Variants in ME1 observed in about 807,000 individuals in gnomAD.
The protein encoded by ME1 is NADP-dependent malic enzyme.
A neutral mutation model predicts 66.4 loss-of-function variants in ME1; 74 were observed. That is an observed-to-expected ratio of 1.11 (90% CI 0.92 to 1.35). ME1 has a LOEUF of 1.35. ME1 is among the 40% of genes most tolerant of loss of function. The probability of loss-of-function intolerance (pLI) is 0.00; values close to 1 mark genes in which losing one functional copy is unlikely to be tolerated. For missense variants in ME1, 750 were observed against 694.1 expected, an observed-to-expected ratio of 1.08 and a Z score of -0.90; for synonymous variants, 251 against 235.6, an observed-to-expected ratio of 1.07 and a Z score of -0.60.
intron 3 of ME1, among the ~76,000 whole-genome samples, chr6:83,378,929 G>GT (rs1199440001): frequency 3.9e-5 from 6 of 151,936 alleles, no homozygotes; most frequent in Admixed American, 3.3e-4. Context: ...TTTCTAGCAT[G>GT]TACCTCATTT....
chr6:83,306,841 A>T (rs1767833053), intron 6 of ME1, among the ~76,000 whole-genome samples: 3 of 152,132 alleles, frequency 2.0e-5, no homozygotes, highest in Non-Finnish European at 2.9e-5. Flanking sequence ...TAGTAAGGAA[A>T]ATAGGGTTAA....
chr6:83,354,056 G>C (rs1768844077), intron 3 of ME1, among the ~76,000 whole-genome samples: 1 of 152,010 alleles, frequency 6.6e-6, no homozygotes, highest in South Asian at 2.1e-4. Flanking sequence ...TCTTCTTAAT[G>C]TTGAACTGTT....
chr6:83,344,152 G>A (rs1362756370), intron 5 of ME1, among the ~76,000 whole-genome samples: 1 of 151,558 alleles, frequency 6.6e-6, no homozygotes, highest in East Asian at 1.9e-4. Flanking sequence ...TTGGTGTGGT[G>A]GTGCACACCT....
At chr6:83,246,733 C>T (rs987730173) in intron 7 of ME1, among the ~76,000 whole-genome samples, 1 of 151,944 alleles carries the variant, frequency 6.6e-6, no homozygotes, top group African/African-American at 2.4e-5. Context: ...TAAATTTGTA[C>T]AAAAGAATTG....
At chr6:83,297,222 TA>T (rs981731457) in intron 6 of ME1, among the ~76,000 whole-genome samples, 3 of 150,394 alleles carry the variant, frequency 2.0e-5, no homozygotes, top group East Asian at 2.0e-4. Context: ...ATAAAATGAA[TA>T]AAAAAAAACC....
At chr6:83,413,042 T>A (rs1770082274) in intron 1 of ME1, among the ~76,000 whole-genome samples, 2 of 152,198 alleles carry the variant, frequency 1.3e-5, no homozygotes, top group South Asian at 4.1e-4. Context: ...AGAAATATAA[T>A]TACAATGACT....
In ME1 at chr6:83,315,321, T is replaced by C; in HGVS notation, c.693A>G (p.Ala231=). The C allele has an allele frequency of 1.9e-6, 3 of 1,600,916 alleles. No individual in the cohort carries two copies. The highest frequency in any genetic ancestry group is 2.2e-5 in the East Asian group (1 of 44,684). ...ATAAAGATACATACTTGGAAGAAAC[T>C]GCCTCCATGAATTCGTCCAAAAAAT... ...YDDFLDEFME[A]VSSKYGMNCL... is the part of the protein sequence containing the mutation. The change falls in exon 6 of 14, where the codon GCA becomes GCG. Residue 231 remains alanine, a synonymous_variant. Transcript: ENST00000369705.
intron 6 of ME1, among the ~76,000 whole-genome samples, chr6:83,281,133 T>C (rs754464120): frequency 2.0e-5 from 3 of 152,148 alleles, no homozygotes; most frequent in Admixed American, 6.5e-5. Context: ...TCTTTGAAAA[T>C]AAACCATTCC....
intron 9 of ME1, among the ~76,000 whole-genome samples, chr6:83,236,725 C>T (rs1226249217): frequency 6.6e-6 from 1 of 152,150 alleles, no homozygotes; most frequent in Non-Finnish European, 1.5e-5. Flanking sequence ...TCAAAGTTTT[C>T]TCTCAGGAAT....
chr6:83,268,974 G>A (rs1767039149), intron 6 of ME1, among the ~76,000 whole-genome samples: 1 of 152,014 alleles, frequency 6.6e-6, no homozygotes, highest in Admixed American at 6.6e-5. Flanking sequence ...ATTAGTTATT[G>A]TTTGCTCAGT....
At chr6:83,219,740 A>ATTTTT (rs11324255) in intron 12 of ME1, among the ~76,000 whole-genome samples, 4 of 133,208 alleles carry the variant, frequency 3.0e-5, no homozygotes, top group Non-Finnish European at 6.4e-5. Flanking sequence ...TGCCCAACTA[A>ATTTTT]TTTTTTTTTT....
chr6:83,253,334 T>C (rs1041060178), intron 7 of ME1, among the ~76,000 whole-genome samples: 3 of 152,196 alleles, frequency 2.0e-5, no homozygotes, highest in African/African-American at 7.2e-5. Flanking sequence ...CTTTTAAGCA[T>C]TGAATAATAT....
At chr6:83,231,608 G>C (rs1236416494) in intron 9 of ME1, among the ~76,000 whole-genome samples, 1 of 152,096 alleles carries the variant, frequency 6.6e-6, no homozygotes, top group Admixed American at 6.5e-5. Context: ...TGTACCTTTG[G>C]ACTTCTATTT....
chr6:83,262,267 A>C (rs1448787045), intron 6 of ME1, among the ~76,000 whole-genome samples: 5 of 152,162 alleles, frequency 3.3e-5, no homozygotes, highest in Non-Finnish European at 7.3e-5. Context: ...TCAAATCCTC[A>C]GAGAAGCTTT....
At chr6:83,250,067 ATACATT>A (rs1442576526) in intron 7 of ME1, among the ~76,000 whole-genome samples, 1 of 152,130 alleles carries the variant, frequency 6.6e-6, no homozygotes, top group Non-Finnish European at 1.5e-5. Flanking sequence ...CAGCATCATG[ATACATT>A]TACAGTATTA....
At chr6:83,362,308 G>A (rs1769020531) in intron 3 of ME1, among the ~76,000 whole-genome samples, 3 of 152,198 alleles carry the variant, frequency 2.0e-5, no homozygotes, top group Admixed American at 6.5e-5. Context: ...TATGTGGATC[G>A]ACCTCTCCGG....
chr6:83,392,631 T>A (rs1769643817), intron 3 of ME1: 1 of 583,106 alleles, frequency 1.7e-6, no homozygotes, highest in Non-Finnish European at 3.3e-6. Context: ...TCAATGGAAA[T>A]CTCATCACTA....
At chr6:83,414,039 A>C (rs1318115653) in intron 1 of ME1, among the ~76,000 whole-genome samples, 1 of 145,830 alleles carries the variant, frequency 6.9e-6, no homozygotes, top group African/African-American at 2.5e-5. Context: ...TGATCCTGGG[A>C]GGTTAAGGTT....
intron 4 of ME1, among the ~76,000 whole-genome samples, chr6:83,348,374 T>C (rs765550094): frequency 2.0e-5 from 3 of 152,212 alleles, no homozygotes; most frequent in African/African-American, 4.8e-5. Context: ...TCGTTGATAA[T>C]ATATACTTTT....
Sources: gnomAD v4.1 joint callset for allele counts (sites outside exome capture counted in the v4.1 genomes callset) on GRCh38, gnomAD v4.1.1 for gene constraint, MANE v1.5 for transcripts, NCBI Gene and HGNC (gene_info 2026-07-23, HGNC 2026-07-21) for gene names.